The following MYBBP1A variants were observed in gnomAD, a reference collection of about 807,000 sequenced individuals.
MYBBP1A encodes the protein MYB binding protein 1a.
MYBBP1A carries 147 observed loss-of-function variants against 136.3 expected under a neutral mutation model. The observed-to-expected ratio is 1.08, with a 90% CI of 0.94 to 1.24. The LOEUF (loss-of-function observed/expected upper bound fraction) is 1.24. Among genes scored for constraint, MYBBP1A ranks in the 50% most tolerant of loss-of-function variants. MYBBP1A has a pLI of 0.00. For synonymous variants in MYBBP1A, 947 were observed against 735.8 expected (o/e 1.29, Z -4.65); for missense variants, 2,060 against 1,727.4 (o/e 1.19, Z -3.41).
rs1468984295 is a variant in MYBBP1A, at chr17:4,539,643, C to T, written c.3759G>A (p.Lys1253=). 6.2e-7 allele frequency: 1 copy of T among 1,612,390 alleles called. No homozygotes were observed. The highest frequency in any genetic ancestry group is 8.5e-7 in the Non-Finnish European group (1 of 1,178,934). Reference sequence around the variant, plus strand: ...TCACCTGGGACGGCTTCTGGTTTTTCTTCTGCAGTTTTGGGGATTTGGCAG... The same window carrying T: ...TCACCTGGGACGGCTTCTGGTTTTTTTTCTGCAGTTTTGGGGATTTGGCAG... The part of the protein sequence containing the change: ...STPAKSPKLQ[K]KNQKPSQVNG... The change falls in exon 26 of 26, where the codon AAG becomes AAA. Residue 1253 remains lysine (K), a synonymous_variant. Coordinates refer to ENST00000254718, the MANE Select transcript of MYBBP1A (RefSeq NM_014520.4).
chr17:4,548,501 C>T lies in MYBBP1A; in HGVS notation c.1556+23G>A. On this transcript the variant is annotated intron_variant, in intron 11 of 25. Coordinates refer to ENST00000254718, the MANE Select transcript of MYBBP1A (RefSeq NM_014520.4). The surrounding 1 kb of genome is among the most constrained non-coding windows in gnomAD (Gnocchi z 4.2). Reference sequence around the variant, plus strand: ...TCAAGGCCTTCCCACCTTCGGACCTCTCCTGGGCTGCCCAAGACTCACCTG... The same window carrying T: ...TCAAGGCCTTCCCACCTTCGGACCTTTCCTGGGCTGCCCAAGACTCACCTG... 1 of 1,613,692 alleles carries T rather than the reference C, an allele frequency of 6.2e-7. No individual in the cohort carries two copies. The highest frequency in any genetic ancestry group is 8.5e-7 in the Non-Finnish European group (1 of 1,180,044).
rs1010494864 is a variant in MYBBP1A, at chr17:4,552,801, C to T, written c.562-175G>A. ...GGGTTTTTGACAAGCATCCCACTGA[C>T]GCTAACTGGCCCCTGGAGGTACCTG... On this transcript the variant is annotated intron_variant, in intron 5 of 25. Coordinates refer to ENST00000254718, the MANE Select transcript of MYBBP1A (RefSeq NM_014520.4). This position sits in a 1 kb window ranked among gnomAD's most constrained non-coding sequence, Gnocchi z 4.7. 5.3e-5 allele frequency among the ~76,000 whole-genome samples: 8 copies of T among 150,748 alleles called. No individual in the cohort carries two copies. Among genetic ancestry groups the T allele is most frequent in the African/African-American group, 9.7e-5 (4 of 41,028 alleles).
chr17:4,551,725 G>A (rs774068717), intron 8 of MYBBP1A, among the ~76,000 whole-genome samples, 155 bp downstream of exon 8: 30 of 152,030 alleles, frequency 2.0e-4, no homozygotes, highest in Non-Finnish European at 3.4e-4. Context: ...AAAAAAATTT[G>A]TCCGAGGGAA....
intron 19 of MYBBP1A, 199 bp from the exon 20 acceptor site, chr17:4,543,364 A>G (rs1323610824): frequency 2.9e-6 from 2 of 687,084 alleles, no homozygotes; most frequent in African/African-American, 1.8e-5. Context: ...CTGGGGTGAC[A>G]GGGGCGCTCC....
chr17:4,546,912 C>T (rs73972685), intron 13 of MYBBP1A, among the ~76,000 whole-genome samples: 4 of 136,790 alleles, frequency 2.9e-5, no homozygotes, highest in African/African-American at 2.8e-5. Context: ...TGGGCTGCAC[C>T]TTTTTTTTTT....
At chr17:4,540,233 CAT>C (rs1906263615) in intron 25 of MYBBP1A, 113 bp downstream of exon 25, 1 of 1,383,162 alleles carries the variant, frequency 7.2e-7, no homozygotes, top group Non-Finnish European at 9.7e-7. Context: ...TGTGCAGCAG[CAT>C]GCGTGTGCAG....
At chr17:4,554,116 G>A (rs1204816642) in intron 3 of MYBBP1A, 23 bp from the exon 4 acceptor site, 1 of 1,613,880 alleles carries the variant, frequency 6.2e-7, no homozygotes, top group Admixed American at 1.7e-5. Flanking sequence ...TCCAGGCACA[G>A]GCATGAGGGG....
Position 4,547,952 on chromosome 17 carries a change from C to T in MYBBP1A, c.1824+6G>A, listed in dbSNP as rs762486380. 24 of 1,492,532 alleles carry T rather than the reference C, an allele frequency of 1.6e-5. No individual in the cohort carries two copies. The highest frequency in any genetic ancestry group is 2.0e-5 in the Non-Finnish European group (22 of 1,118,310). 92.5% of individuals were successfully genotyped at this position (1,492,532 alleles called of 1,614,324 possible). On this transcript the variant is annotated splice_donor_region_variant and intron_variant, in intron 13 of 25. Coordinates refer to ENST00000254718, the MANE Select transcript of MYBBP1A (RefSeq NM_014520.4). ...CTCACAGCCCCTCCCTCCCAGGCCC[C>T]AGTACCTTGAGGAGGTGGATGCCCA...
chr17:4,552,169 C>A lies in MYBBP1A; in HGVS notation c.861G>T (p.Glu287Asp), dbSNP rs1363069480. 2.5e-6 allele frequency: 4 copies of A among 1,614,120 alleles called. No individual in the cohort carries two copies. The Admixed American group carries it at 6.7e-5, about 27-fold the overall frequency. Residue 287 changes from glutamate (E) to aspartate (D), a missense_variant, in exon 7 of 26, where the codon GAG (glutamate) becomes GAT (aspartate). Coordinates refer to ENST00000254718, the MANE Select transcript of MYBBP1A (RefSeq NM_014520.4). The surrounding 1 kb of genome is among the most constrained non-coding windows in gnomAD (Gnocchi z 4.7). ...KEDKFPRFWKEVVEQGLLKMQ... is the reference protein window; with the variant it reads ...KEDKFPRFWKDVVEQGLLKMQ... ...TCTTCAGCAGCCCTTGTTCCACCAC[C>A]TCCTTCCAGAACCGTGGGAACTTGT...
At chr17:4,543,544 G>A (rs1026767309) in intron 19 of MYBBP1A, among the ~76,000 whole-genome samples, 4 of 152,032 alleles carry the variant, frequency 2.6e-5, no homozygotes, top group Non-Finnish European at 4.4e-5. Context: ...CTGCAGGGCC[G>A]GGGATATAAT....
chr17:4,549,533 T>C (rs1567611363), intron 9 of MYBBP1A, 91 bp from the exon 10 acceptor site: 1 of 1,172,458 alleles, frequency 8.5e-7, no homozygotes, highest in South Asian at 1.3e-5. Flanking sequence ...TCCCAGCACT[T>C]TGGGAGGCCA....
chr17:4,543,583 C>T lies in MYBBP1A; in HGVS notation c.2640-418G>A, dbSNP rs147716145. Among the ~76,000 whole-genome samples the T allele has an allele frequency of 3.3e-5, 5 of 152,230 alleles. No individual in the cohort carries two copies. The South Asian group carries it at 6.2e-4, about 19-fold the overall frequency. On this transcript the variant is annotated intron_variant, in intron 19 of 25. Coordinates refer to ENST00000254718, the MANE Select transcript of MYBBP1A (RefSeq NM_014520.4). ...GGCAAGAGGCAGGATGCTCAACAAA[C>T]GACACTGTCCACGCACGCTGGCAGA...
chr17:4,552,093 G>C lies in MYBBP1A; in HGVS notation c.905+32C>G. The C allele has an allele frequency of 6.2e-7, 1 of 1,605,290 alleles. No homozygotes were observed. On this transcript the variant is annotated intron_variant, in intron 7 of 25. Transcript: ENST00000254718. This position sits in a 1 kb window ranked among gnomAD's most constrained non-coding sequence, Gnocchi z 4.7. ...CCTAGCCCACTTCACGGACAGGGAA[G>C]GGGGCCGAGAGAGGACACGCGTCGC...
intron 8 of MYBBP1A, among the ~76,000 whole-genome samples, chr17:4,550,965 G>C (rs1270972464): frequency 6.6e-6 from 1 of 152,282 alleles, no homozygotes; most frequent in Non-Finnish European, 1.5e-5. Context: ...GAGGCTCCCA[G>C]TGGGATAGTG....
chr17:4,539,688 G>C lies in MYBBP1A; in HGVS notation c.3714C>G (p.Pro1238=), dbSNP rs1016368889. The C allele has an allele frequency of 6.2e-7, 1 of 1,608,262 alleles. No individual in the cohort carries two copies. Among genetic ancestry groups the C allele is most frequent in the Admixed American group, 1.7e-5 (1 of 59,426 alleles). The stretch of plus-strand genomic sequence containing the variant: ...TGGCAGGGGTGCTGGGGCTCCGGGT[G>C]GGGGCGCCAGGGGCTGGACTCTTGG... ...PTTKSPAPGA[P]TRSPSTPAKS... is the part of the protein sequence containing the mutation. Residue 1238 remains proline (P), a synonymous_variant, in exon 26 of 26, where the codon CCC becomes CCG. Coordinates refer to ENST00000254718, the MANE Select transcript of MYBBP1A (RefSeq NM_014520.4).
At chr17:4,542,832 G>T in intron 20 of MYBBP1A, 81 bp downstream of exon 20, 1 of 1,602,860 alleles carries the variant, frequency 6.2e-7, no homozygotes, top group East Asian at 2.2e-5. Context: ...GAAGGCTGAG[G>T]GTTGGGCCCT....
In MYBBP1A at chr17:4,539,484, GATGA is replaced by G. The variant is rs754110904; in HGVS notation, c.3914_3917del (p.Val1305AlafsTer17). On this transcript the variant is annotated frameshift_variant, in exon 26 of 26. Coordinates refer to ENST00000254718, the MANE Select transcript of MYBBP1A (RefSeq NM_014520.4). LOFTEE classifies it low-confidence loss of function (END_TRUNC). ...CACTCTGAAGCAGGCTGGGACTCCT[GATGA>G]CCAAAGACAGCCTTGCCTTTTTCCG... 1.9e-6 allele frequency: 3 copies of G among 1,614,150 alleles called. No individual in the cohort carries two copies. The highest frequency in any genetic ancestry group is 2.5e-6 in the Non-Finnish European group (3 of 1,180,018).
Position 4,539,401 on chromosome 17 carries a change from G to GC in MYBBP1A, c.*13dup. ...CAGATGGAGGCAGGGGCTGAGGGGG[G>GC]CCCGTACCTGTGCTCAGGGCTTCCC... On this transcript the variant is annotated 3_prime_UTR_variant, in exon 26 of 26. Transcript: ENST00000254718. 1 of 1,596,096 alleles carries GC rather than the reference G, an allele frequency of 6.3e-7. No homozygotes were observed. Among genetic ancestry groups the GC allele is most frequent in the Non-Finnish European group, 8.6e-7 (1 of 1,168,574 alleles).
Position 4,544,772 on chromosome 17 carries a change from C to T in MYBBP1A, c.2460G>A (p.Leu820=). 1 of 1,584,540 alleles carries T rather than the reference C, an allele frequency of 6.3e-7. No homozygotes were observed. The highest frequency in any genetic ancestry group is 8.6e-7 in the Non-Finnish European group (1 of 1,165,412). ...EKNKLQKEKA[L]RRDFQIRVLD... Reference sequence around the variant, plus strand: ...TCACCCGGATCTGGAAGTCGCGCCGCAGAGCCTTCTCCTTCTGCAGCTTGT... The same window carrying T: ...TCACCCGGATCTGGAAGTCGCGCCGTAGAGCCTTCTCCTTCTGCAGCTTGT... Residue 820 remains leucine, a synonymous_variant, in exon 18 of 26, where the codon CTG becomes CTA. Coordinates refer to ENST00000254718, the MANE Select transcript of MYBBP1A (RefSeq NM_014520.4).
Sources: gnomAD v4.1 joint callset for allele counts (sites outside exome capture counted in the v4.1 genomes callset) on GRCh38, gnomAD v4.1.1 for gene constraint, Gnocchi (gnomAD v3.1) non-coding constraint, MANE v1.5 for transcripts, NCBI Gene and HGNC (gene_info 2026-07-23, HGNC 2026-07-21) for gene names.